Variants in ZNF33B observed in about 807,000 individuals in gnomAD.
ZNF33B encodes the protein zinc finger protein 11b (KOX 2).
Under a neutral mutation model 45.8 loss-of-function variants are expected in ZNF33B, and 29 were observed. That is an observed-to-expected ratio of 0.63 (90% CI 0.47 to 0.86). The LOEUF (loss-of-function observed/expected upper bound fraction) is 0.86. Ranked by LOEUF, ZNF33B falls within the 40% of genes least tolerant of loss-of-function variation. ZNF33B has a pLI of 0.00. For synonymous variants in ZNF33B, 305 were observed against 307.8 expected, an observed-to-expected ratio of 0.99 and a Z score of 0.10; for missense variants, 831 against 909.9, an observed-to-expected ratio of 0.91 and a Z score of 1.12.
At chr10:42,602,683 T>C (rs1837678453) in intron 4 of ZNF33B, among the ~76,000 whole-genome samples, 1 of 152,166 alleles carries the variant, frequency 6.6e-6, no homozygotes, top group South Asian at 2.1e-4. Flanking sequence ...TTGGGGCACA[T>C]TACTCCTCAC....
At chr10:42,578,104 C>T (rs1479194030) in intron 1 of ZNF33B, among the ~76,000 whole-genome samples, 1 of 152,192 alleles carries the variant, frequency 6.6e-6, no homozygotes, top group African/African-American at 2.4e-5. Context: ...TGATCCTGGC[C>T]TCCGCTCAGG....
At chr10:42,619,103 C>T (rs1231128048) in intron 4 of ZNF33B, among the ~76,000 whole-genome samples, 1 of 151,304 alleles carries the variant, frequency 6.6e-6, no homozygotes, top group Non-Finnish European at 1.5e-5. Context: ...TACACAGCTC[C>T]CAACTGTCCC....
intron 2 of ZNF33B, 75 bp downstream of exon 2, chr10:42,636,843 CAA>C (rs1222422938): frequency 1.2e-6 from 2 of 1,603,460 alleles, no homozygotes; most frequent in Admixed American, 3.4e-5. Context: ...CAAAACAAAA[CAA>C]AAAAACCATA....
intron 4 of ZNF33B, among the ~76,000 whole-genome samples, chr10:42,617,085 T>TC (rs1253532030): frequency 1.4e-5 from 2 of 138,902 alleles, no homozygotes; most frequent in African/African-American, 2.6e-5. Context: ...AATTGTTCAT[T>TC]TTTTCTCTTT....
intron 1 of ZNF33B, among the ~76,000 whole-genome samples, chr10:42,580,145 CAAT>C (rs1296911824): frequency 2.6e-5 from 4 of 152,086 alleles, no homozygotes; most frequent in African/African-American, 9.7e-5. Flanking sequence ...TACCTGGCAC[CAAT>C]ATTATAGAAT....
chr10:42,629,119 T>C (rs1838937137), intron 4 of ZNF33B, among the ~76,000 whole-genome samples: 1 of 152,116 alleles, frequency 6.6e-6, no homozygotes, highest in Non-Finnish European at 1.5e-5. Context: ...TGGAGTACCA[T>C]TCACCCATAA....
At chr10:42,606,359 G>T (rs1837850942) in intron 4 of ZNF33B, among the ~76,000 whole-genome samples, 1 of 152,074 alleles carries the variant, frequency 6.6e-6, no homozygotes, top group African/African-American at 2.4e-5. Flanking sequence ...TAGCAACTCG[G>T]GAGGCTGAGA....
chr10:42,621,581 C>T (rs1838593767), intron 4 of ZNF33B, among the ~76,000 whole-genome samples: 1 of 151,852 alleles, frequency 6.6e-6, no homozygotes, highest in South Asian at 2.1e-4. Flanking sequence ...TAATACACTT[C>T]ATTAATAAAA....
intron 4 of ZNF33B, among the ~76,000 whole-genome samples, chr10:42,595,474 T>C (rs568169133): frequency 2.3e-4 from 34 of 149,544 alleles, no homozygotes; most frequent in African/African-American, 8.7e-4. Flanking sequence ...TAAAGACTTA[T>C]TAAAGACATT....
At chr10:42,616,088 C>T (rs912187064) in intron 4 of ZNF33B, among the ~76,000 whole-genome samples, 13 of 151,990 alleles carry the variant, frequency 8.6e-5, no homozygotes, top group African/African-American at 2.9e-4. Flanking sequence ...CAACTGTAAT[C>T]CCAGCTACTC....
chr10:42,612,625 G>A (rs1354375253), intron 4 of ZNF33B, among the ~76,000 whole-genome samples: 1 of 152,016 alleles, frequency 6.6e-6, no homozygotes, highest in Non-Finnish European at 1.5e-5. Context: ...TTGGATTTTT[G>A]CATCTACATT....
At chr10:42,580,594 A>G (rs1836809431) in intron 1 of ZNF33B, among the ~76,000 whole-genome samples, 2 of 151,836 alleles carry the variant, frequency 1.3e-5, no homozygotes, top group Non-Finnish European at 2.9e-5. Flanking sequence ...GCCTGATCCC[A>G]TTTTGGAATA....
Position 42,593,515 on chromosome 10 carries a change from A to T in ZNF33B, c.1435T>A (p.Cys479Ser), listed in dbSNP as rs1254076665. Residue 479 changes from cysteine to serine, a missense_variant, in exon 5 of 5, where the codon TGT becomes AGT. By Grantham distance (112) the Cys-to-Ser change is moderately radical. Transcript: ENST00000359467. ...TGCTGTGTAAGATGTGACTTTTGAC[A>T]AAAGGATTTCCCACACTCAAGACAT... The part of the protein sequence containing the change: ...FECLECGKSF[C>S]QKSHLTQHQR... 12 of 1,613,824 alleles carry T rather than the reference A, an allele frequency of 7.4e-6. No homozygotes were observed. The highest frequency in any genetic ancestry group is 9.3e-6 in the Non-Finnish European group (11 of 1,179,958).
chr10:42,613,833 T>C (rs1838199266), intron 4 of ZNF33B, among the ~76,000 whole-genome samples: 1 of 152,190 alleles, frequency 6.6e-6, no homozygotes, highest in Non-Finnish European at 1.5e-5. Context: ...AAGCACACCA[T>C]TAGCCCCTAT....
chr10:42,593,399 T>C lies in ZNF33B; in HGVS notation c.1551A>G (p.Ile517Met). ...CATAAGGTTTCAACCCTGTATGAAT[T>C]ATCTGATGCCTGGTGAGTACTGACT... ...YHKSVLTRHQIIHTGLKPYEC... is the reference protein window; with the variant it reads ...YHKSVLTRHQMIHTGLKPYEC... The change falls in exon 5 of 5, where the codon ATA (isoleucine) becomes ATG (methionine). Residue 517 changes from isoleucine to methionine, a missense_variant. Ile to Met is a conservative substitution (Grantham distance 10, BLOSUM62 1). Coordinates refer to ENST00000359467, the MANE Select transcript of ZNF33B (RefSeq NM_006955.3). 1 of 1,613,972 alleles carries C rather than the reference T, an allele frequency of 6.2e-7. No individual in the cohort carries two copies. The highest frequency in any genetic ancestry group is 1.1e-5 in the South Asian group (1 of 91,084).
At chr10:42,619,331 CAGAT>C (rs1467004555) in intron 4 of ZNF33B, among the ~76,000 whole-genome samples, 1 of 152,120 alleles carries the variant, frequency 6.6e-6, no homozygotes, top group Non-Finnish European at 1.5e-5. Flanking sequence ...GGCCTGAAGA[CAGAT>C]GGATGACATA....
intron 4 of ZNF33B, among the ~76,000 whole-genome samples, chr10:42,615,590 T>C (rs569134519): frequency 6.6e-6 from 1 of 152,294 alleles, no homozygotes; most frequent in South Asian, 2.1e-4. Flanking sequence ...TAATTGCTAA[T>C]GGATATTGGC....
rs1204272567 is a variant in ZNF33B, at chr10:42,592,511, A to G, written c.*102T>C. ...AGTAACATAAGGCGAGTTTGTGGAT[A>G]GTTATTGAACATTCAGGATGTCAAC... On this transcript the variant is annotated 3_prime_UTR_variant, in exon 5 of 5. Transcript: ENST00000359467. 6.9e-7 allele frequency: 1 copy of G among 1,441,082 alleles called. No individual in the cohort carries two copies. Among genetic ancestry groups the G allele is most frequent in the Non-Finnish European group, 9.4e-7 (1 of 1,064,138 alleles). 89.3% of individuals were successfully genotyped at this position (1,441,082 alleles called of 1,614,324 possible).
At chr10:42,606,537 A>G (rs1837861550) in intron 4 of ZNF33B, among the ~76,000 whole-genome samples, 1 of 152,202 alleles carries the variant, frequency 6.6e-6, no homozygotes, top group South Asian at 2.1e-4. Flanking sequence ...CTGAATCCAC[A>G]CAAACAAATG....
Sources: gnomAD v4.1 joint callset for allele counts (sites outside exome capture counted in the v4.1 genomes callset) on GRCh38, gnomAD v4.1.1 for gene constraint, MANE v1.5 for transcripts, NCBI Gene and HGNC (gene_info 2026-07-23, HGNC 2026-07-21) for gene names.